Variants in DIAPH2 observed in about 807,000 individuals in gnomAD.
DIAPH2 encodes the protein diaphanous related formin 2, also known as protein diaphanous homolog 2.
DIAPH2 carries 35 observed loss-of-function variants against 92.7 expected under a neutral mutation model. The observed-to-expected ratio is 0.38, with a 90% CI of 0.29 to 0.50. The LOEUF is 0.50. Ranked by LOEUF, DIAPH2 falls within the 20% of genes least tolerant of loss-of-function variation. The pLI is 0.94. For missense variants in DIAPH2, 701 were observed against 819.5 expected, an observed-to-expected ratio of 0.86 and a Z score of 1.77; for synonymous variants, 301 against 280.4, an observed-to-expected ratio of 1.07 and a Z score of -0.73.
intron 26 of DIAPH2, among the ~76,000 whole-genome samples, chrX:97,537,686 T>C (rs1029522173): frequency 1.8e-5 from 2 of 110,998 alleles, no homozygotes; most frequent in African/African-American, 6.6e-5. Flanking sequence ...TGAGCTTCCA[T>C]GTTGTGAGGA....
intron 23 of DIAPH2, among the ~76,000 whole-genome samples, chrX:97,289,505 TC>T (rs1324145461): frequency 9.0e-6 from 1 of 111,432 alleles, no homozygotes; most frequent in African/African-American, 3.3e-5. Context: ...TCTTTAAAGT[TC>T]TTGTATCTCA....
At chrX:97,048,473 T>C (rs1218850566) in intron 17 of DIAPH2, among the ~76,000 whole-genome samples, 1 of 111,743 alleles carries the variant, frequency 8.9e-6, no homozygotes, top group East Asian at 2.8e-4. Context: ...CCACCTCTCA[T>C]TGGAGAAGTC....
intron 23 of DIAPH2, among the ~76,000 whole-genome samples, chrX:97,265,817 T>G (rs1275065959): frequency 2.7e-5 from 3 of 111,844 alleles, no homozygotes; most frequent in Non-Finnish European, 5.6e-5. Flanking sequence ...ACTATACTAA[T>G]CCAAGTGTTC....
In DIAPH2 at chrX:97,383,980, G is replaced by C; in HGVS notation, c.3081G>C (p.Glu1027Asp). 1 of 1,205,357 alleles carries C rather than the reference G, an allele frequency of 8.3e-7. No individual in the cohort carries two copies. Among genetic ancestry groups the C allele is most frequent in the Non-Finnish European group, 1.1e-6 (1 of 891,644 alleles). The change falls in exon 25 of 27, where the codon GAG becomes GAC. Residue 1027 changes from glutamate (E) to aspartate (D), a missense_variant. Physicochemically the swap from Glu to Asp is conservative, Grantham distance 45. Transcript: ENST00000324765. Reference sequence around the variant, plus strand: ...CCAGGAGGGCAAAACTTGCAAAAGAGAAAGCTGAACAAGAAAAGTTAGAAC... The same window carrying C: ...CCAGGAGGGCAAAACTTGCAAAAGACAAAGCTGAACAAGAAAAGTTAGAAC... ...EKTRRAKLAK[E>D]KAEQEKLERQ...
chrX:97,041,168 T>C (rs5920710), intron 17 of DIAPH2, among the ~76,000 whole-genome samples: 9,980 of 110,732 alleles, frequency 0.09, 544 homozygotes, highest in African/African-American at 0.2. Flanking sequence ...TGAGTACTTC[T>C]TGTGGTAGGC....
intron 21 of DIAPH2, among the ~76,000 whole-genome samples, chrX:97,118,359 G>A (rs962778450): frequency 9.0e-6 from 1 of 111,427 alleles, no homozygotes. Context: ...GCCCGGTGTG[G>A]ATTATAAGAA....
chrX:97,457,145 C>T (rs2070414574), intron 26 of DIAPH2, among the ~76,000 whole-genome samples: 1 of 111,322 alleles, frequency 9.0e-6, no homozygotes, highest in African/African-American at 3.3e-5. Context: ...CAAAGCCTCC[C>T]GAGTAGCTGG....
intron 1 of DIAPH2, among the ~76,000 whole-genome samples, chrX:96,723,238 C>T (rs6620140): frequency 0.1 from 11,203 of 111,405 alleles, 523 homozygotes; most frequent in East Asian, 0.32. Context: ...ACTGTAAGTA[C>T]TCTAGAGGCA....
chrX:97,155,080 A>G (rs954979298), intron 22 of DIAPH2, among the ~76,000 whole-genome samples: 7 of 112,493 alleles, frequency 6.2e-5, no homozygotes, highest in Non-Finnish European at 1.1e-4. Context: ...AAGGTTAAAA[A>G]AATCAAACTA....
chrX:97,126,023 A>T (rs952586562), intron 21 of DIAPH2, among the ~76,000 whole-genome samples: 6 of 111,915 alleles, frequency 5.4e-5, no homozygotes, highest in Non-Finnish European at 7.5e-5. Flanking sequence ...AGAGGATTTA[A>T]ATGAACCCAG....
intron 26 of DIAPH2, among the ~76,000 whole-genome samples, chrX:97,530,007 A>G (rs1417470644): frequency 1.8e-5 from 2 of 112,301 alleles, no homozygotes; most frequent in Non-Finnish European, 3.8e-5. Context: ...AAGGAAAACT[A>G]CAGAGAAATG....
At chrX:96,907,392 G>A (rs1017773124) in intron 5 of DIAPH2, among the ~76,000 whole-genome samples, 6 of 112,176 alleles carry the variant, frequency 5.3e-5, no homozygotes, top group African/African-American at 6.5e-5. Flanking sequence ...GATATAAACC[G>A]TTCTGTAACA....
At chrX:97,208,408 T>G (rs1259979835) in intron 22 of DIAPH2, among the ~76,000 whole-genome samples, 2 of 112,281 alleles carry the variant, frequency 1.8e-5, no homozygotes, top group Non-Finnish European at 3.8e-5. Flanking sequence ...CAACCAGTTC[T>G]GCAATTTAGA....
intron 23 of DIAPH2, among the ~76,000 whole-genome samples, chrX:97,275,170 G>C (rs1432173236): frequency 8.9e-6 from 1 of 112,175 alleles, no homozygotes; most frequent in African/African-American, 3.2e-5. Flanking sequence ...CCTCCCAGAC[G>C]GGGTGGCGGC....
intron 17 of DIAPH2, among the ~76,000 whole-genome samples, chrX:97,019,349 G>T (rs1358216323): frequency 1.8e-5 from 2 of 110,735 alleles, no homozygotes; most frequent in African/African-American, 6.6e-5. Flanking sequence ...CGGATTAATA[G>T]AATTGAACTA....
intron 26 of DIAPH2, among the ~76,000 whole-genome samples, chrX:97,491,388 G>T (rs1459746666): frequency 9.0e-6 from 1 of 111,515 alleles, no homozygotes; most frequent in African/African-American, 3.3e-5. Flanking sequence ...TGTTTGGGGA[G>T]TTTAATCCAT....
intron 26 of DIAPH2, among the ~76,000 whole-genome samples, chrX:97,468,118 A>C (rs1602610550): frequency 2.7e-5 from 3 of 111,751 alleles, no homozygotes; most frequent in Non-Finnish European, 5.6e-5. Flanking sequence ...TCTACTTAGG[A>C]TTTTTCCACA....
intron 17 of DIAPH2, among the ~76,000 whole-genome samples, chrX:97,025,630 C>T (rs184729742): frequency 0.015 from 1,672 of 109,278 alleles, 112 homozygotes; most frequent in Admixed American, 0.15. Context: ...CCAGCCTGGG[C>T]GACAGAGCAA....
At chrX:96,869,557 C>CACTACTACTACTACTACT (rs58876338) in intron 4 of DIAPH2, among the ~76,000 whole-genome samples, 88 of 97,924 alleles carry the variant, frequency 9.0e-4, no homozygotes, top group African/African-American at 3.1e-3. Flanking sequence ...CTACTACTAC[C>CACTACTACTACTACTACT]ACTACTACTA....
Sources: allele counts gnomAD v4.1 joint callset (sites outside exome capture counted in the v4.1 genomes callset), GRCh38; gene constraint gnomAD v4.1.1; transcripts MANE v1.5; gene names NCBI Gene and HGNC (gene_info 2026-07-23, HGNC 2026-07-21).